Variants in RIT2 observed in about 807,000 individuals in gnomAD.
The protein encoded by RIT2 is GTP-binding protein Rit2.
Under a neutral mutation model 23.7 loss-of-function variants are expected in RIT2, and 24 were observed. The observed-to-expected ratio is 1.01, with a 90% confidence interval of 0.73 to 1.43. The LOEUF (loss-of-function observed/expected upper bound fraction) is 1.43, where lower values mean the gene tolerates loss of function less well. RIT2 is among the 40% of genes most tolerant of loss of function. RIT2 has a pLI of 0.00. For missense variants in RIT2, 236 were observed against 266.9 expected (o/e 0.88, Z 0.81); for synonymous variants, 107 against 91.1 (o/e 1.17, Z -0.99).
chr18:42,984,170 C>T (rs919324048), intron 2 of RIT2, among the ~76,000 whole-genome samples: 1 of 152,128 alleles, frequency 6.6e-6, no homozygotes, highest in African/African-American at 2.4e-5. Flanking sequence ...ATTTTTCAAT[C>T]AATGAATGGT....
intron 1 of RIT2, among the ~76,000 whole-genome samples, chr18:43,080,333 T>C (rs1203836096): frequency 1.3e-5 from 2 of 152,226 alleles, no homozygotes; most frequent in Non-Finnish European, 2.9e-5. Flanking sequence ...GTAAAACTTA[T>C]CTGATTAGTG....
At chr18:43,050,992 C>G (rs958404397) in intron 1 of RIT2, among the ~76,000 whole-genome samples, 37 of 152,050 alleles carry the variant, frequency 2.4e-4, no homozygotes, top group African/African-American at 8.9e-4. Context: ...ATTAATCCAA[C>G]CTAAAAGGTG....
chr18:42,946,644 T>G (rs1306994073), intron 3 of RIT2, among the ~76,000 whole-genome samples: 1 of 151,988 alleles, frequency 6.6e-6, no homozygotes, highest in South Asian at 2.1e-4. Context: ...CTTGCCAACT[T>G]TGTTCTTGTT....
chr18:42,889,436 TTG>T (rs1908114024), intron 4 of RIT2, among the ~76,000 whole-genome samples: 12 of 152,070 alleles, frequency 7.9e-5, no homozygotes, highest in Admixed American at 7.9e-4. Context: ...ATTGGGTTAT[TTG>T]TGTTACTTTC....
chr18:42,746,004 T>C (rs1313909565), intron 4 of RIT2, among the ~76,000 whole-genome samples: 3 of 152,118 alleles, frequency 2.0e-5, no homozygotes, highest in African/African-American at 7.2e-5. Context: ...GCTAGACTGC[T>C]TTTTAGCAGC....
At chr18:42,955,872 C>T (rs866359027) in intron 3 of RIT2, among the ~76,000 whole-genome samples, 5 of 152,092 alleles carry the variant, frequency 3.3e-5, no homozygotes, top group South Asian at 2.1e-4. Context: ...GCAACCACTG[C>T]GAGACTATAA....
intron 1 of RIT2, among the ~76,000 whole-genome samples, chr18:43,081,558 C>T (rs1913158456): frequency 6.6e-6 from 1 of 152,088 alleles, no homozygotes; most frequent in African/African-American, 2.4e-5. Context: ...CAGGAGTTCT[C>T]CACCTTGAGA....
In RIT2 at chr18:43,026,634, A is replaced by AAGAAAGAAAGAG. The variant is rs1555652917; in HGVS notation, c.160+7176_160+7177insCTCTTTCTTTCT. 3.4e-3 allele frequency among the ~76,000 whole-genome samples: 343 copies of AAGAAAGAAAGAG among 100,312 alleles called. 1 individual carries two copies. The highest frequency in any genetic ancestry group is 5.5e-3 in the Non-Finnish European group (239 of 43,282). The allele number at this position is 100,312 out of a possible 152,430, so 65.8% of individuals were successfully genotyped here. On this transcript the variant is annotated intron_variant, in intron 2 of 4. Transcript: ENST00000326695. ...AAAGAAAGAAAGAAAGAAAGAAAGAAAGAGAGAAAGAAGGAAAGGCTGTAG... is the reference window on the plus strand; with the variant it reads ...AAAGAAAGAAAGAAAGAAAGAAAGAAAGAAAGAAAGAGAGAGAGAAAGAAGGAAAGGCTGTAG...
intron 2 of RIT2, among the ~76,000 whole-genome samples, chr18:43,012,433 A>G (rs1188808537): frequency 2.6e-5 from 4 of 151,814 alleles, no homozygotes; most frequent in Non-Finnish European, 2.9e-5. Flanking sequence ...AAAACATAGT[A>G]GAGATCATTT....
At chr18:42,887,994 G>A (rs1363339485) in intron 4 of RIT2, among the ~76,000 whole-genome samples, 1 of 152,078 alleles carries the variant, frequency 6.6e-6, no homozygotes, top group South Asian at 2.1e-4. Flanking sequence ...GTGGCTGCTG[G>A]AAGTTAGAGG....
chr18:42,747,841 A>G (rs1299090782), intron 4 of RIT2, among the ~76,000 whole-genome samples: 1 of 152,014 alleles, frequency 6.6e-6, no homozygotes, highest in Non-Finnish European at 1.5e-5. Flanking sequence ...CCACACGTAG[A>G]AGAATGAAAC....
intron 2 of RIT2, among the ~76,000 whole-genome samples, chr18:43,009,132 C>T (rs1383285435): frequency 6.6e-6 from 1 of 151,526 alleles, no homozygotes. Context: ...CAACCCATCG[C>T]AATGTCAGTA....
chr18:43,105,516 G>GGAAGAGAGGAAGGGA (rs1568083865), intron 1 of RIT2, among the ~76,000 whole-genome samples: 12 of 151,060 alleles, frequency 7.9e-5, no homozygotes, highest in Admixed American at 2.6e-4. Flanking sequence ...GAGGGAGGGA[G>GGAAGAGAGGAAGGGA]GGAATGAGCA....
intron 2 of RIT2, among the ~76,000 whole-genome samples, chr18:42,996,880 C>T (rs1156926548): frequency 6.6e-6 from 1 of 152,154 alleles, no homozygotes; most frequent in Non-Finnish European, 1.5e-5. Context: ...ACTCAACAAC[C>T]TGGTCATCCC....
At chr18:43,033,283 A>G (rs1911900049) in intron 2 of RIT2, among the ~76,000 whole-genome samples, 1 of 152,146 alleles carries the variant, frequency 6.6e-6, no homozygotes, top group Non-Finnish European at 1.5e-5. Flanking sequence ...GGAATAAAAC[A>G]TGGGTGGTGT....
chr18:42,850,391 G>A (rs1907020631), intron 4 of RIT2, among the ~76,000 whole-genome samples: 1 of 152,116 alleles, frequency 6.6e-6, no homozygotes, highest in Non-Finnish European at 1.5e-5. Context: ...ACGGTTAATG[G>A]ATTGTATTGT....
At chr18:43,089,135 G>A (rs1406608107) in intron 1 of RIT2, among the ~76,000 whole-genome samples, 1 of 151,970 alleles carries the variant, frequency 6.6e-6, no homozygotes, top group Non-Finnish European at 1.5e-5. Context: ...GAAATAAAGG[G>A]CATCCAAATA....
intron 3 of RIT2, among the ~76,000 whole-genome samples, chr18:42,958,477 T>C (rs1910023975): frequency 2.6e-5 from 4 of 152,136 alleles, no homozygotes; most frequent in Non-Finnish European, 5.9e-5. Context: ...GCTAATATGA[T>C]AATACACTTC....
intron 4 of RIT2, among the ~76,000 whole-genome samples, chr18:42,828,488 A>G (rs986502172): frequency 1.3e-5 from 2 of 152,236 alleles, no homozygotes; most frequent in African/African-American, 4.8e-5. Flanking sequence ...CTTTGGTTTT[A>G]GAATAGGTGG....
Sources: gnomAD v4.1 joint callset for allele counts (sites outside exome capture counted in the v4.1 genomes callset) on GRCh38, gnomAD v4.1.1 for gene constraint, MANE v1.5 for transcripts, NCBI Gene and HGNC (gene_info 2026-07-23, HGNC 2026-07-21) for gene names.